Variants in ADAMTSL3 observed in about 807,000 individuals in gnomAD.
ADAMTSL3 encodes the protein ADAMTS like 3.
ADAMTSL3 carries 128 observed loss-of-function variants against 201.7 expected under a neutral mutation model. The ratio of observed to expected loss-of-function variants is 0.63; its 90% confidence interval spans 0.55 to 0.73. ADAMTSL3 has a LOEUF of 0.73. ADAMTSL3 is among the 30% of genes least tolerant of loss of function. The pLI, the probability that ADAMTSL3 is intolerant of heterozygous loss-of-function variation, is 0.00. For synonymous variants in ADAMTSL3, 738 were observed against 748.4 expected (o/e 0.99, Z 0.23); for missense variants, 1,990 against 2,119.6 (o/e 0.94, Z 1.20).
intron 6 of ADAMTSL3, among the ~76,000 whole-genome samples, chr15:83,827,536 T>C (rs2064051818): frequency 6.6e-6 from 1 of 152,238 alleles, no homozygotes; most frequent in African/African-American, 2.4e-5. Context: ...TTTGTCAAGT[T>C]TGGCTTTTGT....
chr15:83,808,915 CAAAA>C, intron 5 of ADAMTSL3, among the ~76,000 whole-genome samples: 1 of 96,842 alleles, frequency 1.0e-5, no homozygotes, highest in Admixed American at 1.1e-4. Context: ...ACGTGGAATC[CAAAA>C]AAAAAAAAAA....
chr15:83,896,602 TAGG>T (rs1174115738), intron 13 of ADAMTSL3, among the ~76,000 whole-genome samples: 1 of 152,022 alleles, frequency 6.6e-6, no homozygotes, highest in Non-Finnish European at 1.5e-5. Context: ...GGGAAAATCA[TAGG>T]GGGAAAAAGG....
intron 3 of ADAMTSL3, among the ~76,000 whole-genome samples, chr15:83,716,984 T>C (rs2062028725): frequency 6.6e-6 from 1 of 152,194 alleles, no homozygotes. Flanking sequence ...TTGCGTTAGG[T>C]TTACACTGCA....
chr15:83,886,906 A>G (rs1179704311), intron 10 of ADAMTSL3, among the ~76,000 whole-genome samples: 1 of 152,250 alleles, frequency 6.6e-6, no homozygotes, highest in East Asian at 1.9e-4. Context: ...GTCCCTGGAA[A>G]TGGAAGAGAA....
chr15:83,807,192 A>C (rs183023784), intron 5 of ADAMTSL3, among the ~76,000 whole-genome samples: 1 of 152,294 alleles, frequency 6.6e-6, no homozygotes, highest in East Asian at 1.9e-4. Flanking sequence ...ATGGTGGCTC[A>C]CGCCTGTAAT....
chr15:84,019,903 A>AG (rs1349741848), intron 25 of ADAMTSL3, among the ~76,000 whole-genome samples: 1 of 151,560 alleles, frequency 6.6e-6, no homozygotes, highest in African/African-American at 2.4e-5. Flanking sequence ...AAAAAAAAAA[A>AG]AAAAAAAAGA....
chr15:83,993,303 A>G (rs2067618427), intron 23 of ADAMTSL3, among the ~76,000 whole-genome samples: 1 of 152,218 alleles, frequency 6.6e-6, no homozygotes, highest in South Asian at 2.1e-4. Flanking sequence ...AAAGCAGGGA[A>G]TATATTATAT....
chr15:84,029,061 G>A (rs1294274924), intron 27 of ADAMTSL3, among the ~76,000 whole-genome samples: 1 of 152,118 alleles, frequency 6.6e-6, no homozygotes, highest in African/African-American at 2.4e-5. Context: ...CTCAGTCTCA[G>A]GTATTTCTTT....
chr15:83,877,793 A>G (rs922796812), intron 9 of ADAMTSL3, among the ~76,000 whole-genome samples: 7 of 152,052 alleles, frequency 4.6e-5, no homozygotes, highest in Admixed American at 1.3e-4. Flanking sequence ...ACTCTATGTC[A>G]TTAATATCTT....
chr15:83,673,301 G>C (rs765365749), intron 2 of ADAMTSL3, among the ~76,000 whole-genome samples: 4 of 152,222 alleles, frequency 2.6e-5, no homozygotes. Flanking sequence ...ACTAGCCACT[G>C]TTTATTATAG....
intron 3 of ADAMTSL3, among the ~76,000 whole-genome samples, chr15:83,722,247 C>A (rs17528889): frequency 0.068 from 10,417 of 152,242 alleles, 576 homozygotes; most frequent in Admixed American, 0.18. Context: ...GAAATAAAAT[C>A]AACGAGGAGA....
chr15:83,889,596 G>T lies in ADAMTSL3; in HGVS notation c.1073-513G>T, dbSNP rs367606505. On this transcript the variant is annotated intron_variant, in intron 10 of 29. Transcript: ENST00000286744. ...ACAAATCGAAATAGGTGTGTTGCGGGGATTGGAATGGGAGTGTCAATAAGG... is the reference window on the plus strand; with the variant it reads ...ACAAATCGAAATAGGTGTGTTGCGGTGATTGGAATGGGAGTGTCAATAAGG... Among the ~76,000 whole-genome samples the T allele has an allele frequency of 6.6e-5, 10 of 152,226 alleles. No homozygotes were observed. The East Asian group carries it at 1.5e-3, about 24-fold the overall frequency.
rs72746904 is a variant in ADAMTSL3, at chr15:83,735,084, G to A, written c.189+30576G>A. 7.6e-4 allele frequency among the ~76,000 whole-genome samples: 115 copies of A among 152,220 alleles called. 3 individuals carry two copies. The highest frequency in any genetic ancestry group is 7.3e-3 in the Admixed American group (112 of 15,286). The stretch of plus-strand genomic sequence containing the variant: ...ACTATGCAAATCTTGTAGAATAAGA[G>A]TATTTTTTAAAATTAAATCAACTAT... On this transcript the variant is annotated intron_variant, in intron 3 of 29. Coordinates refer to ENST00000286744, the MANE Select transcript of ADAMTSL3 (RefSeq NM_207517.3).
intron 15 of ADAMTSL3, among the ~76,000 whole-genome samples, chr15:83,903,208 C>T (rs910679641): frequency 6.7e-6 from 1 of 149,394 alleles, no homozygotes; most frequent in Non-Finnish European, 1.5e-5. Context: ...GGGGCTCCAT[C>T]ACCAACATTT....
At chr15:83,793,071 G>A (rs567053985) in intron 4 of ADAMTSL3, among the ~76,000 whole-genome samples, 7 of 152,284 alleles carry the variant, frequency 4.6e-5, no homozygotes, top group East Asian at 1.9e-4. Flanking sequence ...TTTAAGTGAC[G>A]TAAGTCAGGC....
intron 2 of ADAMTSL3, among the ~76,000 whole-genome samples, chr15:83,697,981 A>G (rs751999016): frequency 3.3e-5 from 5 of 151,920 alleles, no homozygotes; most frequent in African/African-American, 4.8e-5. Context: ...GCACCCAGGA[A>G]ATTCCAAGGA....
At chr15:83,872,355 A>T (rs1343553378) in intron 9 of ADAMTSL3, among the ~76,000 whole-genome samples, 1 of 151,948 alleles carries the variant, frequency 6.6e-6, no homozygotes, top group Non-Finnish European at 1.5e-5. Flanking sequence ...ATTCATCCTG[A>T]TCTGGGCATT....
In ADAMTSL3 at chr15:83,891,691, T is replaced by C. The variant is rs1189564284; in HGVS notation, c.1262+312T>C. 2.0e-5 allele frequency among the ~76,000 whole-genome samples: 3 copies of C among 152,252 alleles called. No homozygotes were observed. In the East Asian group the frequency reaches 5.8e-4, roughly 29 times the overall value. ...CCCTTTTATACCGAGATGAGTAGTA[T>C]GGTCCTTCCTGACTCTGAGGTTCTG... On this transcript the variant is annotated intron_variant, in intron 12 of 29. Transcript: ENST00000286744.
At position 83,689,230 on chromosome 15, in the gene ADAMTSL3, C is replaced by T. The variant is rs146210003; in HGVS notation, c.70-15159C>T. Among the ~76,000 whole-genome samples the T allele has an allele frequency of 7.9e-5, 12 of 152,264 alleles. No homozygotes were observed. The East Asian group carries it at 1.7e-3, about 22-fold the overall frequency. On this transcript the variant is annotated intron_variant, in intron 2 of 29. Transcript: ENST00000286744. ...TGTAGTGCCCAACTGCACAATAATACGTAAGATGGCTCAGTAATAATGACA... is the reference window on the plus strand; with the variant it reads ...TGTAGTGCCCAACTGCACAATAATATGTAAGATGGCTCAGTAATAATGACA...
Sources: allele counts gnomAD v4.1 joint callset (sites outside exome capture counted in the v4.1 genomes callset), GRCh38; gene constraint gnomAD v4.1.1; transcripts MANE v1.5; gene names NCBI Gene and HGNC (gene_info 2026-07-23, HGNC 2026-07-21).